Variants in CLCN5 observed in about 807,000 individuals in gnomAD.
CLCN5 encodes Cl-/H+ antiporter 5, also known as H(+)/Cl(-) exchange transporter 5.
Under a neutral mutation model 54.0 loss-of-function variants are expected in CLCN5, and 17 were observed. The observed-to-expected ratio is 0.31, with a 90% CI of 0.22 to 0.47. CLCN5 has a LOEUF of 0.47. Ranked by LOEUF, CLCN5 falls within the 20% of genes least tolerant of loss-of-function variation. The pLI, the probability that CLCN5 is intolerant of heterozygous loss-of-function variation, is 1.00. For missense variants in CLCN5, 448 were observed against 646.7 expected (o/e 0.69, Z 3.33); for synonymous variants, 222 against 233.0 (o/e 0.95, Z 0.43).
intron 3 of CLCN5, among the ~76,000 whole-genome samples, chrX:49,946,800 G>A (rs1557172169): frequency 9.1e-6 from 1 of 109,631 alleles, no homozygotes; most frequent in Non-Finnish European, 1.9e-5. Context: ...CAGGCTAATT[G>A]AAGACTTTCT....
At chrX:50,062,177 T>C (rs2147519671) in intron 4 of CLCN5, among the ~76,000 whole-genome samples, 1 of 94,498 alleles carries the variant, frequency 1.1e-5, no homozygotes, top group African/African-American at 4.0e-5. Context: ...TAAATGTAAA[T>C]GGACTAAATT....
chrX:50,042,558 C>T, intron 4 of CLCN5, 96 bp downstream of exon 4: 1 of 566,336 alleles, frequency 1.8e-6, no homozygotes, highest in Non-Finnish European at 2.5e-6. Context: ...AGCACACAGT[C>T]CTGTGAGTTT....
intron 3 of CLCN5, among the ~76,000 whole-genome samples, chrX:50,034,519 A>C (rs1233622081): frequency 8.9e-6 from 1 of 111,814 alleles, no homozygotes; most frequent in Non-Finnish European, 1.9e-5. Context: ...CAAAAATAAG[A>C]AAGAAATAGA....
chrX:49,988,170 T>C (rs920145135), intron 3 of CLCN5, among the ~76,000 whole-genome samples: 7 of 111,158 alleles, frequency 6.3e-5, no homozygotes, highest in African/African-American at 2.3e-4. Context: ...CTCAGAGTCC[T>C]GTTTTTCCTT....
intron 3 of CLCN5, among the ~76,000 whole-genome samples, chrX:49,965,550 A>G (rs1379504012): frequency 1.8e-5 from 2 of 112,137 alleles, no homozygotes; most frequent in African/African-American, 6.5e-5. Context: ...ATAGATGAGC[A>G]TGTCTCCTGT....
chrX:50,067,910 C>T (rs1338690300), intron 4 of CLCN5: 1 of 129,498 alleles, frequency 7.7e-6, no homozygotes, highest in Non-Finnish European at 1.4e-5. Context: ...AACCAGACTA[C>T]AAAGGAGGAT....
chrX:49,960,308 A>G (rs1170747351), intron 3 of CLCN5, among the ~76,000 whole-genome samples: 3 of 111,029 alleles, frequency 2.7e-5, no homozygotes, highest in African/African-American at 9.8e-5. Context: ...GTACTAGGGA[A>G]AATTGTCTCA....
At chrX:50,031,491 A>G (rs1056640228) in intron 3 of CLCN5, among the ~76,000 whole-genome samples, 17 of 111,190 alleles carry the variant, frequency 1.5e-4, no homozygotes, top group Admixed American at 9.5e-5. Context: ...CTTTAAGGTC[A>G]AAACTATTTT....
intron 3 of CLCN5, among the ~76,000 whole-genome samples, chrX:49,983,339 A>AT (rs1557177919): frequency 1.8e-5 from 2 of 111,239 alleles, no homozygotes; most frequent in Non-Finnish European, 3.8e-5. Flanking sequence ...TTTTCTCTTT[A>AT]TTTTTTTACT....
chrX:49,955,829 A>G (rs1927287005), intron 3 of CLCN5, among the ~76,000 whole-genome samples: 1 of 111,846 alleles, frequency 8.9e-6, no homozygotes, highest in Non-Finnish European at 1.9e-5. Context: ...GAATTTTGCT[A>G]TTTTAATATA....
intron 7 of CLCN5, 95 bp from the exon 8 acceptor site, chrX:50,080,497 TTG>T: frequency 1.3e-6 from 1 of 764,703 alleles, no homozygotes; most frequent in African/African-American, 2.3e-5. Context: ...TTTTTTTTTT[TTG>T]GACTTTTTTT....
intron 3 of CLCN5, among the ~76,000 whole-genome samples, chrX:50,004,598 A>G (rs1930060543): frequency 9.0e-6 from 1 of 111,266 alleles, no homozygotes; most frequent in African/African-American, 3.3e-5. Context: ...AAAAAATCAT[A>G]CCATTATCAC....
chrX:49,933,010 C>CT (rs1925739273), intron 3 of CLCN5, among the ~76,000 whole-genome samples: 1 of 111,396 alleles, frequency 9.0e-6, no homozygotes. Flanking sequence ...AGTGTGAAAT[C>CT]TGGGTAGCCA....
At chrX:50,041,849 G>A (rs782537802) in intron 3 of CLCN5, among the ~76,000 whole-genome samples, 3 of 111,852 alleles carry the variant, frequency 2.7e-5, no homozygotes, top group Non-Finnish European at 5.6e-5. Context: ...AACCCAAAAG[G>A]TGAAGATTAC....
intron 7 of CLCN5, among the ~76,000 whole-genome samples, chrX:50,080,325 A>G (rs1334939385): frequency 2.7e-5 from 3 of 111,610 alleles, no homozygotes; most frequent in Non-Finnish European, 5.6e-5. Context: ...ATTTTGTTTC[A>G]TGGTTTTCCG....
chrX:50,073,854 A>G (rs1933311188), intron 6 of CLCN5, among the ~76,000 whole-genome samples: 1 of 111,869 alleles, frequency 8.9e-6, no homozygotes. Flanking sequence ...CTGTGACCAG[A>G]AAAACTTTAT....
At chrX:50,090,996 T>C (rs1934079325) in intron 14 of CLCN5, 110 bp downstream of exon 14, 2 of 606,412 alleles carry the variant, frequency 3.3e-6, no homozygotes, top group Admixed American at 5.5e-5. Context: ...AGTAGCACTT[T>C]TAGGACTTCT....
At chrX:49,952,328 A>G (rs1230788642) in intron 3 of CLCN5, among the ~76,000 whole-genome samples, 2 of 110,282 alleles carry the variant, frequency 1.8e-5, no homozygotes, top group Non-Finnish European at 3.8e-5. Flanking sequence ...TACTTGTCAA[A>G]TGGATTGGTT....
intron 3 of CLCN5, among the ~76,000 whole-genome samples, chrX:49,986,615 A>G (rs1435018569): frequency 8.9e-6 from 1 of 111,922 alleles, no homozygotes; most frequent in African/African-American, 3.2e-5. Flanking sequence ...CATAAGTTGT[A>G]TAACTTTCAG....
Sources: gnomAD v4.1 joint callset for allele counts (sites outside exome capture counted in the v4.1 genomes callset) on GRCh38, gnomAD v4.1.1 for gene constraint, MANE v1.5 for transcripts, NCBI Gene and HGNC (gene_info 2026-07-23, HGNC 2026-07-21) for gene names.